CTNNA3: variants seen among roughly 807,000 people sequenced by gnomAD.
CTNNA3 encodes the protein catenin alpha 3, also known as catenin alpha-3.
In CTNNA3, 76 loss-of-function variants were observed where a neutral mutation model predicts 95.7. That is an observed-to-expected ratio of 0.79 (90% CI 0.66 to 0.96). CTNNA3 has a LOEUF of 0.96. CTNNA3 is among the 40% of genes least tolerant of loss of function. The probability of loss-of-function intolerance (pLI) is 0.00; values close to 1 mark genes in which losing one functional copy is unlikely to be tolerated. For missense variants in CTNNA3, 1,191 were observed against 1,089.8 expected, an observed-to-expected ratio of 1.09 and a Z score of -1.31; for synonymous variants, 431 against 374.4, an observed-to-expected ratio of 1.15 and a Z score of -1.74.
intron 13 of CTNNA3, among the ~76,000 whole-genome samples, chr10:66,186,215 C>G (rs1299014564): frequency 6.6e-6 from 1 of 151,126 alleles, no homozygotes; most frequent in Non-Finnish European, 1.5e-5. Context: ...ATATAGGTAC[C>G]AAAACATCAC....
intron 3 of CTNNA3, among the ~76,000 whole-genome samples, chr10:67,578,878 T>A (rs955222519): frequency 2.6e-5 from 4 of 151,578 alleles, no homozygotes; most frequent in Non-Finnish European, 5.9e-5. Flanking sequence ...TTTCTGCATC[T>A]ATGGAGATGA....
chr10:67,339,396 C>A (rs570325953), intron 5 of CTNNA3, among the ~76,000 whole-genome samples: 1 of 152,094 alleles, frequency 6.6e-6, no homozygotes, highest in South Asian at 2.1e-4. Context: ...GATCTTGTTC[C>A]AACTAAATAA....
At chr10:67,111,506 T>A (rs905037048) in intron 7 of CTNNA3, among the ~76,000 whole-genome samples, 1 of 152,072 alleles carries the variant, frequency 6.6e-6, no homozygotes, top group Non-Finnish European at 1.5e-5. Flanking sequence ...CCTTGAATAA[T>A]GAAGGTCTTG....
intron 5 of CTNNA3, among the ~76,000 whole-genome samples, chr10:67,265,262 A>G (rs1042869521): frequency 2.6e-5 from 4 of 152,190 alleles, no homozygotes; most frequent in Non-Finnish European, 2.9e-5. Context: ...GAAGGCTCAT[A>G]TTCCGTTACT....
intron 11 of CTNNA3, among the ~76,000 whole-genome samples, chr10:66,456,160 A>C (rs981223634): frequency 6.6e-6 from 1 of 152,216 alleles, no homozygotes; most frequent in Non-Finnish European, 1.5e-5. Context: ...ATCCCAGCAG[A>C]ACTTTATAGA....
intron 7 of CTNNA3, among the ~76,000 whole-genome samples, chr10:67,002,652 A>G (rs924252616): frequency 1.4e-4 from 22 of 152,248 alleles, no homozygotes; most frequent in Admixed American, 2.6e-4. Flanking sequence ...GTACTGGGCC[A>G]TGTATTTCAG....
At chr10:66,989,889 G>C (rs554407528) in intron 7 of CTNNA3, among the ~76,000 whole-genome samples, 1 of 152,148 alleles carries the variant, frequency 6.6e-6, no homozygotes, top group East Asian at 1.9e-4. Context: ...AGCGGCAATA[G>C]GACTTACCAC....
At chr10:66,112,126 A>G (rs1437714002) in intron 13 of CTNNA3, among the ~76,000 whole-genome samples, 1 of 152,148 alleles carries the variant, frequency 6.6e-6, no homozygotes, top group Admixed American at 6.5e-5. Flanking sequence ...AGTCCACTCT[A>G]ATTCATCACA....
intron 5 of CTNNA3, among the ~76,000 whole-genome samples, chr10:67,504,435 CAAAAAAA>C (rs60719599): frequency 6.2e-5 from 1 of 16,158 alleles, no homozygotes; most frequent in Non-Finnish European, 1.2e-4. Context: ...GACTCCATCT[CAAAAAAA>C]AAAAAAAAAA....
intron 11 of CTNNA3, among the ~76,000 whole-genome samples, chr10:66,445,317 C>A (rs2093411232): frequency 2.6e-5 from 4 of 152,040 alleles, no homozygotes; most frequent in Admixed American, 2.6e-4. Context: ...CTGCACCAAG[C>A]AGACCTAATA....
chr10:66,573,044 C>G (rs1842915712), intron 10 of CTNNA3, among the ~76,000 whole-genome samples: 1 of 152,110 alleles, frequency 6.6e-6, no homozygotes, highest in Non-Finnish European at 1.5e-5. Flanking sequence ...AATACTACAT[C>G]CCTAGGTAGA....
Position 67,726,915 on chromosome 10 carries a change from T to C in CTNNA3, c.-2+36519A>G, listed in dbSNP as rs1421468909. 2.6e-5 allele frequency among the ~76,000 whole-genome samples: 3 copies of C among 116,242 alleles called. No homozygotes were observed. In the East Asian group the frequency reaches 7.1e-4, roughly 28 times the overall value. 76.3% of individuals were successfully genotyped at this position (116,242 alleles called of 152,430 possible). A position where few individuals can be genotyped will look rare whatever the true frequency, so the allele number is the denominator to read the frequency against. On this transcript the variant is annotated intron_variant, in intron 1 of 17. Coordinates refer to the CTNNA3 transcript ENST00000684154. ...CATCATATATGATACATTATATACA[T>C]ATGATATAAATTATATCATATATCA...
At chr10:66,509,783 T>A (rs947482530) in intron 11 of CTNNA3, among the ~76,000 whole-genome samples, 1 of 151,952 alleles carries the variant, frequency 6.6e-6, no homozygotes, top group Non-Finnish European at 1.5e-5. Flanking sequence ...TTACTGTGTA[T>A]TATATTTTGA....
At chr10:65,931,111 C>A (rs974370333) in intron 17 of CTNNA3, among the ~76,000 whole-genome samples, 4 of 151,932 alleles carry the variant, frequency 2.6e-5, no homozygotes, top group Non-Finnish European at 5.9e-5. Context: ...TTAACTTGAC[C>A]CTATAAACTA....
intron 1 of CTNNA3, among the ~76,000 whole-genome samples, chr10:67,743,211 T>G (rs1228897511): frequency 6.6e-6 from 1 of 151,208 alleles, no homozygotes; most frequent in African/African-American, 2.4e-5. Flanking sequence ...AAGAGAATTT[T>G]AGACCAATAT....
chr10:67,679,748 G>T (rs1589560814), intron 1 of CTNNA3, among the ~76,000 whole-genome samples: 1 of 152,074 alleles, frequency 6.6e-6, no homozygotes, highest in East Asian at 1.9e-4. Flanking sequence ...TCTTTGCCAA[G>T]ATAAAGAAAT....
At chr10:66,515,636 C>CA (rs1426987128) in intron 11 of CTNNA3, among the ~76,000 whole-genome samples, 1 of 152,022 alleles carries the variant, frequency 6.6e-6, no homozygotes, top group Non-Finnish European at 1.5e-5. Flanking sequence ...CTCACAGTTC[C>CA]ACATGGCTAG....
intron 17 of CTNNA3, among the ~76,000 whole-genome samples, chr10:65,964,288 C>T: frequency 6.6e-6 from 1 of 152,152 alleles, no homozygotes; most frequent in East Asian, 1.9e-4. Flanking sequence ...TACCTGCAAA[C>T]AGATGGCAGT....
intron 5 of CTNNA3, among the ~76,000 whole-genome samples, chr10:67,275,627 T>C (rs892102712): frequency 1.3e-5 from 2 of 152,030 alleles, no homozygotes; most frequent in African/African-American, 4.8e-5. Context: ...AAATCAAGAT[T>C]AATAAATTCA....
Sources: gnomAD v4.1 joint callset for allele counts (sites outside exome capture counted in the v4.1 genomes callset) on GRCh38, gnomAD v4.1.1 for gene constraint, MANE v1.5 for transcripts, NCBI Gene and HGNC (gene_info 2026-07-23, HGNC 2026-07-21) for gene names.